CCDC34: variants seen among roughly 807,000 people sequenced by gnomAD.
CCDC34 encodes the protein coiled-coil domain-containing protein 34.
A neutral mutation model predicts 44.1 loss-of-function variants in CCDC34; 40 were observed. That is an observed-to-expected ratio of 0.91 (90% CI 0.70 to 1.18). The LOEUF is 1.18. Among genes scored for constraint, CCDC34 ranks in the 50% most tolerant of loss-of-function variants. CCDC34 has a pLI of 0.00. For synonymous variants in CCDC34, 159 were observed against 158.2 expected (o/e 1.01, Z -0.04); for missense variants, 466 against 452.3 (o/e 1.03, Z -0.28).
chr11:27,342,699 T>C (rs1195315297), intron 3 of CCDC34, among the ~76,000 whole-genome samples: 2 of 152,236 alleles, frequency 1.3e-5, no homozygotes, highest in African/African-American at 4.8e-5. Flanking sequence ...ACAGCAAAGC[T>C]GAATGGCTGC....
At chr11:27,349,618 C>T in intron 3 of CCDC34, 1 of 982,960 alleles carries the variant, frequency 1.0e-6, no homozygotes, top group African/African-American at 1.7e-5. Flanking sequence ...GACAAATTGA[C>T]CACAGAATAA....
Position 27,341,500 on chromosome 11 carries a change from T to C in CCDC34, c.657A>G (p.Ala219=). ...AGTATTCTTTCTCCAGTTCCTTTGC[T>C]GCTTTTTCCTCCATTTCTTTATTAA... The part of the protein sequence containing the change: ...QKINKEMEEK[A]AKELEKEYLQ... The change falls in exon 4 of 6, where the codon GCA becomes GCG. Residue 219 remains alanine (A), a synonymous_variant. Coordinates refer to ENST00000328697, the MANE Select transcript of CCDC34 (RefSeq NM_030771.2). 8 of 1,405,470 alleles carry C rather than the reference T, an allele frequency of 5.7e-6. No individual in the cohort carries two copies. Among genetic ancestry groups the C allele is most frequent in the Non-Finnish European group, 7.7e-6 (8 of 1,040,846 alleles). The allele number at this position is 1,405,470 out of a possible 1,614,324, so 87.1% of individuals were successfully genotyped here.
chr11:27,345,285 TA>T (rs1289526935), intron 3 of CCDC34, among the ~76,000 whole-genome samples: 1 of 152,170 alleles, frequency 6.6e-6, no homozygotes, highest in African/African-American at 2.4e-5. Flanking sequence ...CATTTTTTTT[TA>T]ATTTTATTAT....
At chr11:27,340,925 G>T in intron 4 of CCDC34, 88 bp from the exon 5 acceptor site, 2 of 1,244,316 alleles carry the variant, frequency 1.6e-6, no homozygotes, top group Non-Finnish European at 2.3e-6. Flanking sequence ...TTCTCCAGTA[G>T]CTTCCTACCC....
chr11:27,344,470 C>A (rs1478687), intron 3 of CCDC34, among the ~76,000 whole-genome samples: 150,090 of 151,982 alleles, frequency 0.99, 74,137 homozygotes, highest in East Asian at 1. Flanking sequence ...TTGTGTTATA[C>A]GCATTGTTAC....
intron 1 of CCDC34, among the ~76,000 whole-genome samples, chr11:27,360,449 C>G (rs1030904322): frequency 6.6e-6 from 1 of 152,168 alleles, no homozygotes; most frequent in Non-Finnish European, 1.5e-5. Context: ...CTCAAAGAAG[C>G]CTTACCCGAT....
intron 1 of CCDC34, among the ~76,000 whole-genome samples, chr11:27,358,049 A>C (rs1311029358): frequency 6.6e-6 from 1 of 152,178 alleles, no homozygotes; most frequent in East Asian, 1.9e-4. Context: ...ATATTATTTC[A>C]CCTTTTTTAT....
At chr11:27,358,698 T>C (rs1025667807) in intron 1 of CCDC34, among the ~76,000 whole-genome samples, 1 of 152,098 alleles carries the variant, frequency 6.6e-6, no homozygotes, top group African/African-American at 2.4e-5. Flanking sequence ...GCTGATGATG[T>C]CTATATCAGT....
chr11:27,360,153 G>C (rs1017890482), intron 1 of CCDC34, among the ~76,000 whole-genome samples: 1 of 152,286 alleles, frequency 6.6e-6, no homozygotes, highest in East Asian at 1.9e-4. Flanking sequence ...ATCAAGAAAG[G>C]CTTGACAAGT....
intron 2 of CCDC34, among the ~76,000 whole-genome samples, chr11:27,352,297 C>T (rs904987348): frequency 5.3e-5 from 8 of 151,720 alleles, no homozygotes; most frequent in African/African-American, 1.5e-4. Flanking sequence ...GCCGGAGACT[C>T]GCCTGAACCT....
At chr11:27,351,118 A>T (rs1302435630) in intron 2 of CCDC34, among the ~76,000 whole-genome samples, 1 of 152,236 alleles carries the variant, frequency 6.6e-6, no homozygotes, top group Non-Finnish European at 1.5e-5. Context: ...GTCACTCATC[A>T]GTTAAATTAC....
In CCDC34 at chr11:27,340,709, A is replaced by G; in HGVS notation, c.894T>C (p.Asn298=). 6.2e-7 allele frequency: 1 copy of G among 1,606,762 alleles called. No homozygotes were observed. The highest frequency in any genetic ancestry group is 1.3e-5 in the African/African-American group (1 of 74,712). ...RPAAKSYGYA[N]GKLTGFYSGN... is the part of the protein sequence containing the mutation. Reference sequence around the variant, plus strand: ...ATAAAAACCAACCTGTAAGTTTTCCATTGGCATAACCATAGCTCTTTGCAG... The same window carrying G: ...ATAAAAACCAACCTGTAAGTTTTCCGTTGGCATAACCATAGCTCTTTGCAG... The change falls in exon 5 of 6, where the codon AAT becomes AAC. Residue 298 remains asparagine, a synonymous_variant. Transcript: ENST00000328697.
At chr11:27,341,352 C>G (rs1292373676) in intron 4 of CCDC34, 40 bp downstream of exon 4, 8 of 1,270,584 alleles carry the variant, frequency 6.3e-6, no homozygotes, top group South Asian at 1.7e-5. Flanking sequence ...ATATGAACAC[C>G]AAAGTTATGT....
At chr11:27,350,563 CACTAGT>C (rs1260425141) in intron 2 of CCDC34, 124 bp from the exon 3 acceptor site, 1 of 829,972 alleles carries the variant, frequency 1.2e-6, no homozygotes, top group African/African-American at 1.7e-5. Flanking sequence ...GAGCATATGC[CACTAGT>C]GGCAATAACT....
chr11:27,349,750 C>T (rs899866420), intron 3 of CCDC34: 14 of 954,198 alleles, frequency 1.5e-5, no homozygotes, highest in East Asian at 1.2e-4. Context: ...ATATATCATG[C>T]GCAGGTATTC....
At chr11:27,360,804 T>C (rs1306487439) in intron 1 of CCDC34, among the ~76,000 whole-genome samples, 7 of 152,220 alleles carry the variant, frequency 4.6e-5, no homozygotes, top group Admixed American at 2.6e-4. Flanking sequence ...AACAGGTCAC[T>C]TTTTATAACA....
chr11:27,360,714 C>T lies in CCDC34; in HGVS notation c.359+2122G>A, dbSNP rs1007644447. On this transcript the variant is annotated intron_variant, in intron 1 of 5. Transcript: ENST00000328697. ...CTTATCCCAAACCTGAACACCAGAACGTGGTTTACTGCACCTTAGTAGTAC... is the reference window on the plus strand; with the variant it reads ...CTTATCCCAAACCTGAACACCAGAATGTGGTTTACTGCACCTTAGTAGTAC... Among the ~76,000 whole-genome samples, 7 of 152,222 alleles carry T rather than the reference C, an allele frequency of 4.6e-5. No homozygotes were observed. In the East Asian group the frequency reaches 5.8e-4, roughly 13 times the overall value.
At position 27,356,008 on chromosome 11, in the gene CCDC34, ATTTTT is replaced by A. The variant is rs34146389; in HGVS notation, c.498+1390_498+1394del. 9.1e-3 allele frequency among the ~76,000 whole-genome samples: 631 copies of A among 69,502 alleles called. 4 individuals are homozygous for A. Among genetic ancestry groups the A allele is most frequent in the African/African-American group, 0.026 (462 of 18,110 alleles). The allele number at this position is 69,502 out of a possible 152,430, so 45.6% of individuals were successfully genotyped here. On this transcript the variant is annotated intron_variant, in intron 2 of 5. Coordinates refer to ENST00000328697, the MANE Select transcript of CCDC34 (RefSeq NM_030771.2). Reference sequence around the variant, plus strand: ...AGATCATGAAGCTTTTGTTCCCAGGATTTTTTTTTTTTTTTTTTTTTTTTTTTTAG... The same window carrying A: ...AGATCATGAAGCTTTTGTTCCCAGGATTTTTTTTTTTTTTTTTTTTTTTAG...
chr11:27,342,292 TA>T (rs1304754705), intron 3 of CCDC34, among the ~76,000 whole-genome samples: 1 of 1,554 alleles, frequency 6.4e-4, no homozygotes, highest in Non-Finnish European at 1.3e-3. Context: ...AAACAGGGGC[TA>T]TATATATATA....
Sources: allele counts gnomAD v4.1 joint callset (sites outside exome capture counted in the v4.1 genomes callset), GRCh38; gene constraint gnomAD v4.1.1; transcripts MANE v1.5; gene names NCBI Gene and HGNC (gene_info 2026-07-23, HGNC 2026-07-21).